EXO5: variants seen among roughly 807,000 people sequenced by gnomAD.
EXO5 encodes the protein exonuclease 5, also known as exonuclease V.
A neutral mutation model predicts 17.8 loss-of-function variants in EXO5; 11 were observed. The ratio of observed to expected loss-of-function variants is 0.62; its 90% confidence interval spans 0.39 to 1.02. The LOEUF is 1.02. Ranked by LOEUF, EXO5 falls within the 50% of genes least tolerant of loss-of-function variation. EXO5 has a pLI of 0.00. For missense variants in EXO5, 364 were observed against 434.8 expected, an observed-to-expected ratio of 0.84 and a Z score of 1.45; for synonymous variants, 147 against 166.5, an observed-to-expected ratio of 0.88 and a Z score of 0.90.
At chr1:40,510,920 A>G (rs533378892) in intron 3 of EXO5, among the ~76,000 whole-genome samples, 8 of 152,328 alleles carry the variant, frequency 5.3e-5, no homozygotes, top group African/African-American at 1.9e-4. Context: ...CCTCACAAAT[A>G]CCTCATAGCA....
rs968472687 is a variant in EXO5 at position 40,509,434 on chromosome 1, G to A, written c.-263-17G>A. 3 of 152,380 alleles carry A rather than the reference G, an allele frequency of 2.0e-5. No homozygotes were observed. The highest frequency in any genetic ancestry group is 2.0e-4 in the Admixed American group (3 of 15,294). 9.4% of individuals were successfully genotyped at this position (152,380 alleles called of 1,614,324 possible). On this transcript the variant is annotated splice_polypyrimidine_tract_variant and intron_variant, in intron 1 of 3. Transcript: ENST00000415550. Reference sequence around the variant, plus strand: ...CTCCTTGGGGATCTTGGTTATGTCTGACCCTTTTACTTTCAGGGAGCAGGG... The same window carrying A: ...CTCCTTGGGGATCTTGGTTATGTCTAACCCTTTTACTTTCAGGGAGCAGGG...
intron 3 of EXO5, 51 bp downstream of exon 3, chr1:40,509,841 C>G (rs1413570105): frequency 6.6e-6 from 1 of 152,162 alleles, no homozygotes; most frequent in Non-Finnish European, 1.5e-5. Flanking sequence ...CAGGGGGAAT[C>G]GATACACTCT....
chr1:40,509,022 C>T (rs879416237), intron 1 of EXO5, 114 bp downstream of exon 1: 22 of 152,294 alleles, frequency 1.4e-4, no homozygotes, highest in Non-Finnish European at 2.8e-4. Context: ...GGAAGCGGCT[C>T]GTCTCGTCTC....
chr1:40,510,755 G>A (rs1645759467), intron 3 of EXO5, among the ~76,000 whole-genome samples: 1 of 152,200 alleles, frequency 6.6e-6, no homozygotes. Flanking sequence ...TATGGCTAGT[G>A]CAACTGAGAT....
At position 40,515,914 on chromosome 1, in the gene EXO5, T is replaced by G. The variant is rs1216465960; in HGVS notation, c.*248T>G. ...AGACAGATGCTCATCATGGCTGGAA[T>G]GAAGGTATCCTTCAGTAAACTTTGC... On this transcript the variant is annotated 3_prime_UTR_variant, in exon 4 of 4. Transcript: ENST00000415550. 2.4e-6 allele frequency: 1 copy of G among 415,234 alleles called. No homozygotes were observed. Among genetic ancestry groups the G allele is most frequent in the Non-Finnish European group, 4.4e-6 (1 of 225,446 alleles). 25.7% of individuals were successfully genotyped at this position (415,234 alleles called of 1,614,324 possible).
intron 3 of EXO5, among the ~76,000 whole-genome samples, chr1:40,510,168 C>T (rs1164520704): frequency 6.6e-6 from 1 of 150,816 alleles, no homozygotes; most frequent in African/African-American, 2.4e-5. Context: ...CTGTGTACTA[C>T]CTGTATTATT....
rs1173478661 is a variant in EXO5, at chr1:40,515,450, G to A, written c.906G>A (p.Val302=). Residue 302 remains valine, a synonymous_variant, in exon 4 of 4, where the codon GTG becomes GTA. Coordinates refer to ENST00000415550, the MANE Select transcript of EXO5 (RefSeq NM_001346953.2). The part of the protein sequence containing the change: ...IEYIHQETAT[V]LGTEIVAFKE... ...ATATCCACCAAGAGACTGCCACTGT[G>A]CTGGGTACTGAGATTGTAGCCTTCA... The A allele has an allele frequency of 1.9e-5, 31 of 1,613,976 alleles. No homozygotes were observed. Among genetic ancestry groups the A allele is most frequent in the Non-Finnish European group, 2.6e-5 (31 of 1,180,000 alleles).
At position 40,514,741 on chromosome 1, in the gene EXO5, G is replaced by A. The variant is rs199704407; in HGVS notation, c.197G>A (p.Gly66Glu). The A allele has an allele frequency of 6.2e-7, 1 of 1,614,148 alleles. No homozygotes were observed. The highest frequency in any genetic ancestry group is 1.7e-5 in the Admixed American group (1 of 60,026). ...ATAAGCTTACAAAACTGGAAAAGAG[G>A]ATTGGATATATTATCACCCATGGAG... is the stretch of plus-strand genomic sequence containing the variant. ...KPISLQNWKRGLDILSPMERF... is the reference protein window; with the variant it reads ...KPISLQNWKRELDILSPMERF... The change falls in exon 4 of 4, where the codon GGA becomes GAA. Residue 66 changes from glycine (G) to glutamate (E), a missense_variant. Transcript: ENST00000415550.
chr1:40,510,535 G>A (rs942198761), intron 3 of EXO5, among the ~76,000 whole-genome samples: 1 of 152,166 alleles, frequency 6.6e-6, no homozygotes, highest in African/African-American at 2.4e-5. Context: ...TCACTTCCCT[G>A]TTTAGAACTA....
intron 3 of EXO5, among the ~76,000 whole-genome samples, chr1:40,512,177 G>A (rs891167775): frequency 6.6e-5 from 10 of 151,934 alleles, no homozygotes; most frequent in African/African-American, 1.9e-4. Context: ...GCGCTTGGCC[G>A]CCCAGTTTCT....
chr1:40,513,006 A>G (rs564277514), intron 3 of EXO5, among the ~76,000 whole-genome samples: 1 of 152,310 alleles, frequency 6.6e-6, no homozygotes, highest in Non-Finnish European at 1.5e-5. Context: ...TTGGATGTAA[A>G]ACACGTGGCT....
rs1312142770 is a variant in EXO5, at chr1:40,514,789, A to G, written c.245A>G (p.Tyr82Cys). ...GAGAGATTCCACCTTAAATATTTAT[A>G]TGTCACTGACCTGGCTACTCAGAAC... ...PMERFHLKYL[Y>C]VTDLATQNWC... Residue 82 changes from tyrosine (Y) to cysteine (C), a missense_variant, in exon 4 of 4, where the codon TAT becomes TGT. Transcript: ENST00000415550. The G allele has an allele frequency of 1.2e-6, 2 of 1,614,198 alleles. No individual in the cohort carries two copies.
chr1:40,515,597 T>C lies in EXO5; in HGVS notation c.1053T>C (p.Ile351=), dbSNP rs1445914554. The change falls in exon 4 of 4, where the codon ATT becomes ATC. Residue 351 remains isoleucine (I), a synonymous_variant. Transcript: ENST00000415550. ...GCCGGACGTGTACCTATGCAGACAT[T>C]TGTGAGTGGAGAAAGGGCAGTGGAG... ...WKCRTCTYAD[I]CEWRKGSGVL... is the part of the protein sequence containing the mutation. 1.9e-6 allele frequency: 3 copies of C among 1,612,368 alleles called. No individual in the cohort carries two copies. The East Asian group carries it at 6.7e-5, about 36-fold the overall frequency.
In EXO5 at chr1:40,515,367, GTCT is replaced by G; in HGVS notation, c.828_830del (p.Phe276del). 4.3e-6 allele frequency: 7 copies of G among 1,614,110 alleles called. No homozygotes were observed. The highest frequency in any genetic ancestry group is 1.3e-5 in the African/African-American group (1 of 75,014). On this transcript the variant is annotated inframe_deletion, in exon 4 of 4. Coordinates refer to ENST00000415550, the MANE Select transcript of EXO5 (RefSeq NM_001346953.2). ...GTCTTTGGGTGACCTCATGGAACTT[GTCT>G]TCTTGTCTCTAACACTGTCAGACCT...
At position 40,515,795 on chromosome 1, in the gene EXO5, A is replaced by G. The variant is rs930520139; in HGVS notation, c.*129A>G. ...TTTGGTTCTTTTTTTTATTTCCACA[A>G]CCTCTAACCACATTCAGTCCAGGAC... On this transcript the variant is annotated 3_prime_UTR_variant, in exon 4 of 4. Coordinates refer to ENST00000415550, the MANE Select transcript of EXO5 (RefSeq NM_001346953.2). The G allele has an allele frequency of 2.9e-5, 27 of 929,528 alleles. No individual in the cohort carries two copies. Among genetic ancestry groups the G allele is most frequent in the Non-Finnish European group, 3.9e-5 (24 of 623,368 alleles). The allele number at this position is 929,528 out of a possible 1,614,324, so 57.6% of individuals were successfully genotyped here.
intron 3 of EXO5, among the ~76,000 whole-genome samples, chr1:40,513,101 A>G (rs907322435): frequency 2.6e-5 from 4 of 152,218 alleles, no homozygotes; most frequent in African/African-American, 9.6e-5. Flanking sequence ...ATGCTGTAAT[A>G]GGCAGATTTT....
In EXO5 at chr1:40,514,609, A is replaced by G; in HGVS notation, c.65A>G (p.Asp22Gly). 6.2e-7 allele frequency: 1 copy of G among 1,614,162 alleles called. No homozygotes were observed. The highest frequency in any genetic ancestry group is 8.5e-7 in the Non-Finnish European group (1 of 1,180,022). ...GCCTCAGGGTTCTCAGACTTGAGTG[A>G]CTCAGAGTTCCTGGAGTTTCTGGAC... The part of the protein sequence containing the change: ...AEASGFSDLS[D>G]SEFLEFLDLE... Residue 22 changes from aspartate (D) to glycine (G), a missense_variant, in exon 4 of 4, where the codon GAC (aspartate) becomes GGC (glycine). Coordinates refer to ENST00000415550, the MANE Select transcript of EXO5 (RefSeq NM_001346953.2).
intron 3 of EXO5, among the ~76,000 whole-genome samples, chr1:40,511,960 G>A (rs1001919076): frequency 1.2e-4 from 18 of 151,264 alleles, no homozygotes; most frequent in African/African-American, 3.4e-4. Context: ...CTCACTGCAC[G>A]CTCCGCCTCC....
chr1:40,514,891 C>G lies in EXO5; in HGVS notation c.347C>G (p.Thr116Ser). Reference sequence around the variant, plus strand: ...CCTGAGAAGGCAGCTGTGTTGGACACTGGTGCCAGCATACACCTAGCTAGA... The same window carrying G: ...CCTGAGAAGGCAGCTGTGTTGGACAGTGGTGCCAGCATACACCTAGCTAGA... ...LAPEKAAVLD[T>S]GASIHLAREL... Residue 116 changes from threonine to serine, a missense_variant, in exon 4 of 4, where the codon ACT (threonine) becomes AGT (serine). Coordinates refer to ENST00000415550, the MANE Select transcript of EXO5 (RefSeq NM_001346953.2). The G allele has an allele frequency of 6.2e-7, 1 of 1,614,164 alleles. No homozygotes were observed. Among genetic ancestry groups the G allele is most frequent in the Non-Finnish European group, 8.5e-7 (1 of 1,180,014 alleles).
Sources: gnomAD v4.1 joint callset for allele counts (sites outside exome capture counted in the v4.1 genomes callset) on GRCh38, gnomAD v4.1.1 for gene constraint, MANE v1.5 for transcripts, NCBI Gene and HGNC (gene_info 2026-07-23, HGNC 2026-07-21) for gene names.